Variants in ALDH16A1 observed in about 807,000 individuals in gnomAD.
ALDH16A1 encodes aldehyde dehydrogenase family 16 member A1.
Under a neutral mutation model 96.1 loss-of-function variants are expected in ALDH16A1, and 88 were observed. That is an observed-to-expected ratio of 0.92 (90% CI 0.77 to 1.09). The LOEUF (loss-of-function observed/expected upper bound fraction) is 1.09. Among genes scored for constraint, ALDH16A1 ranks in the 50% least tolerant of loss-of-function variants. The pLI, the probability that ALDH16A1 is intolerant of heterozygous loss-of-function variation, is 0.00. For synonymous variants in ALDH16A1, 522 were observed against 496.4 expected (o/e 1.05, Z -0.69); for missense variants, 1,250 against 1,112.6 (o/e 1.12, Z -1.76).
At chr19:49,465,951 A>T (rs1298725312) in intron 13 of ALDH16A1, 46 bp downstream of exon 13, 2 of 1,588,686 alleles carry the variant, frequency 1.3e-6, no homozygotes, top group Admixed American at 3.5e-5. Context: ...TGTGGCAGAG[A>T]GGGGAGCCTG....
intron 4 of ALDH16A1, 50 bp from the exon 5 acceptor site, chr19:49,460,772 C>T (rs1168241983): frequency 6.8e-7 from 1 of 1,471,602 alleles, no homozygotes; most frequent in Non-Finnish European, 9.4e-7. Context: ...CCAGGCTGGA[C>T]TTAAACACCT....
In ALDH16A1 at chr19:49,463,930, C is replaced by G; in HGVS notation, c.1175C>G (p.Ser392Cys). The G allele has an allele frequency of 6.2e-7, 1 of 1,611,100 alleles. No homozygotes were observed. Among genetic ancestry groups the G allele is most frequent in the Non-Finnish European group, 8.5e-7 (1 of 1,178,420 alleles). ...TTGGTCTCCAACCTGCCCCCAGCCT[C>G]CCCATGTGCCCAGGTGGAGGTGAGA... ...PTLVSNLPPA[S>C]PCAQVEVPWP... is the part of the protein sequence containing the mutation. The change falls in exon 9 of 17, where the codon TCC becomes TGC. Residue 392 changes from serine (S) to cysteine (C), a missense_variant. Ser to Cys is a moderately radical substitution (Grantham distance 112). Coordinates refer to ENST00000293350, the MANE Select transcript of ALDH16A1 (RefSeq NM_153329.4).
intron 14 of ALDH16A1, among the ~76,000 whole-genome samples, chr19:49,467,384 ATTTC>A (rs2079207363): frequency 2.1e-5 from 3 of 142,394 alleles, no homozygotes; most frequent in South Asian, 4.5e-4. Flanking sequence ...GCCAAACCAT[ATTTC>A]TTTCTTTCTT....
In ALDH16A1 at chr19:49,468,778, C is replaced by T. The variant is rs2079221007; in HGVS notation, c.2125-86C>T. 1 of 1,502,806 alleles carries T rather than the reference C, an allele frequency of 6.7e-7. No homozygotes were observed. The highest frequency in any genetic ancestry group is 1.4e-5 in the African/African-American group (1 of 72,738). The allele number at this position is 1,502,806 out of a possible 1,614,324, so 93.1% of individuals were successfully genotyped here. Reference sequence around the variant, plus strand: ...TTTCTCCTCCATGACCCCCCATCCCCTTCCCTCCCATGGGCACCCCCTGAA... The same window carrying T: ...TTTCTCCTCCATGACCCCCCATCCCTTTCCCTCCCATGGGCACCCCCTGAA... On this transcript the variant is annotated intron_variant, in intron 15 of 16. Coordinates refer to ENST00000293350, the MANE Select transcript of ALDH16A1 (RefSeq NM_153329.4). This position sits in a 1 kb window ranked among gnomAD's most constrained non-coding sequence, Gnocchi z 4.4.
intron 14 of ALDH16A1, among the ~76,000 whole-genome samples, chr19:49,467,607 G>A (rs1167005842): frequency 2.7e-5 from 4 of 147,738 alleles, no homozygotes; most frequent in Non-Finnish European, 6.0e-5. Context: ...ACCATGTTAG[G>A]ATGGTCTCGA....
In ALDH16A1 at chr19:49,464,808, G is replaced by A. The variant is rs111440909; in HGVS notation, c.1568+46G>A. 10 of 1,609,892 alleles carry A rather than the reference G, an allele frequency of 6.2e-6. No individual in the cohort carries two copies. In the African/African-American group the frequency reaches 6.7e-5, roughly 11 times the overall value. The stretch of plus-strand genomic sequence containing the variant: ...GGTCTGGGAGTGTGAACGGGGAGAG[G>A]GGAATTGATGCCTGTTTCCCCGTGG... On this transcript the variant is annotated intron_variant, in intron 12 of 16. Coordinates refer to ENST00000293350, the MANE Select transcript of ALDH16A1 (RefSeq NM_153329.4).
intron 4 of ALDH16A1, among the ~76,000 whole-genome samples, 156 bp downstream of exon 4, chr19:49,460,004 G>A (rs1406313628): frequency 1.3e-5 from 2 of 152,030 alleles, no homozygotes; most frequent in African/African-American, 2.4e-5. Context: ...TCCGCCTCCC[G>A]GGTTCAAGTG....
At chr19:49,457,868 G>A (rs2079114285) in intron 1 of ALDH16A1, among the ~76,000 whole-genome samples, 1 of 152,020 alleles carries the variant, frequency 6.6e-6, no homozygotes, top group South Asian at 2.1e-4. Context: ...CTCCCAAAGT[G>A]GACTCCAAAT....
rs767851623 is a variant in ALDH16A1, at chr19:49,462,702, G to A, written c.1045G>A (p.Ala349Thr). The change falls in exon 8 of 17, where the codon GCA becomes ACA. Residue 349 changes from alanine (A) to threonine (T), a missense_variant. Physicochemically the swap from Ala to Thr is moderately conservative, Grantham distance 58. Transcript: ENST00000293350. ...AVDMGARGAAACDLVQRFVRE... is the reference protein window; with the variant it reads ...AVDMGARGAATCDLVQRFVRE... ...GGACATGGGGGCCCGGGGGGCTGCC[G>A]CATGTGACCTGGTCCAGCGCTTTGT... 2.7e-5 allele frequency: 43 copies of A among 1,606,476 alleles called. No individual in the cohort carries two copies. Among genetic ancestry groups the A allele is most frequent in the East Asian group, 8.9e-5 (4 of 44,714 alleles).
intron 1 of ALDH16A1, 40 bp downstream of exon 1, chr19:49,453,461 C>T (rs1428984166): frequency 8.1e-6 from 12 of 1,481,556 alleles, no homozygotes; most frequent in Non-Finnish European, 1.1e-5. Context: ...CTGCGTTCCC[C>T]AGGCCTGGGC....
rs548418533 is a variant in ALDH16A1, at chr19:49,459,219, T to C, written c.320+133T>C. 12 of 1,402,278 alleles carry C rather than the reference T, an allele frequency of 8.6e-6. No individual in the cohort carries two copies. The African/African-American group carries it at 1.3e-4, about 15-fold the overall frequency. 86.9% of individuals were successfully genotyped at this position (1,402,278 alleles called of 1,614,324 possible). Reference sequence around the variant, plus strand: ...TAAGGCTCAGATTCCCAGTATGTGCTGGAGGCAGTCGTGGCTGAAACATGC... The same window carrying C: ...TAAGGCTCAGATTCCCAGTATGTGCCGGAGGCAGTCGTGGCTGAAACATGC... On this transcript the variant is annotated intron_variant, in intron 3 of 16. Coordinates refer to ENST00000293350, the MANE Select transcript of ALDH16A1 (RefSeq NM_153329.4). The surrounding 1 kb of genome is among the most constrained non-coding windows in gnomAD (Gnocchi z 4.1).
chr19:49,461,800 G>A lies in ALDH16A1; in HGVS notation c.759G>A (p.Glu253=), dbSNP rs1396952960. 5 of 1,610,304 alleles carry A rather than the reference G, an allele frequency of 3.1e-6. No homozygotes were observed. Among genetic ancestry groups the A allele is most frequent in the African/African-American group, 2.7e-5 (2 of 74,796 alleles). Residue 253 remains glutamate, a splice_region_variant and synonymous_variant, in exon 6 of 17, where the codon GAG becomes GAA. Coordinates refer to ENST00000293350, the MANE Select transcript of ALDH16A1 (RefSeq NM_153329.4). The part of the protein sequence containing the change: ...IRKVAFCGAP[E]EGRALRRSLA... ...AGGTGGCCTTCTGCGGAGCCCCGGA[G>A]GTACCTTCGGGACAGGGGTCGTGGC... is the stretch of plus-strand genomic sequence containing the variant.
At chr19:49,462,524 G>A in intron 7 of ALDH16A1, 46 bp from the exon 8 acceptor site, 3 of 1,582,594 alleles carry the variant, frequency 1.9e-6, no homozygotes, top group Non-Finnish European at 2.6e-6. Flanking sequence ...TCACCAACTT[G>A]CTAGAGTGCA....
At chr19:49,464,078 C>T (rs923969423) in intron 9 of ALDH16A1, 49 bp from the exon 10 acceptor site, 39 of 1,591,654 alleles carry the variant, frequency 2.5e-5, no homozygotes, top group Non-Finnish European at 3.2e-5. Context: ...AGGCTCCTTC[C>T]CTGGTGGGTG....
chr19:49,462,790 G>T (rs750870312), intron 8 of ALDH16A1, 35 bp downstream of exon 8: 3 of 1,510,986 alleles, frequency 2.0e-6, no homozygotes, highest in Admixed American at 2.3e-5. Context: ...GGGTGTCAGG[G>T]GAGGAGGGGC....
intron 5 of ALDH16A1, 115 bp downstream of exon 5, chr19:49,461,014 G>A: frequency 8.8e-7 from 1 of 1,134,152 alleles, no homozygotes; most frequent in Non-Finnish European, 1.3e-6. Context: ...TCTGTGGAAG[G>A]AGTCTGTGGG....
chr19:49,470,602 C>T lies in ALDH16A1; in HGVS notation c.*135C>T, dbSNP rs1014071488. 10 of 975,742 alleles carry T rather than the reference C, an allele frequency of 1.0e-5. No individual in the cohort carries two copies. The highest frequency in any genetic ancestry group is 6.1e-5 in the South Asian group (2 of 32,770). The allele number at this position is 975,742 out of a possible 1,614,324, so 60.4% of individuals were successfully genotyped here. On this transcript the variant is annotated 3_prime_UTR_variant, in exon 17 of 17. Coordinates refer to ENST00000293350, the MANE Select transcript of ALDH16A1 (RefSeq NM_153329.4). ...CTGACCAACCCTAGCTGTGCTTCTG[C>T]GAGAAGAAAGGGTGTAGCAACTTCT...
intron 1 of ALDH16A1, among the ~76,000 whole-genome samples, chr19:49,454,031 G>GTTTTTTTTTTT (rs3033555): frequency 2.2e-5 from 3 of 135,184 alleles, no homozygotes; most frequent in African/African-American, 2.8e-5. Flanking sequence ...TTTTTTTTTT[G>GTTTTTTTTTTT]TTTTTTTTTT....
In ALDH16A1 at chr19:49,459,909, C is replaced by T; in HGVS notation, c.499+61C>T. 1 of 1,522,594 alleles carries T rather than the reference C, an allele frequency of 6.6e-7. No homozygotes were observed. Among genetic ancestry groups the T allele is most frequent in the Non-Finnish European group, 8.8e-7 (1 of 1,134,922 alleles). The allele number at this position is 1,522,594 out of a possible 1,614,324, so 94.3% of individuals were successfully genotyped here. On this transcript the variant is annotated intron_variant, in intron 4 of 16. Transcript: ENST00000293350. This position sits in a 1 kb window ranked among gnomAD's most constrained non-coding sequence, Gnocchi z 4.1. ...ATGACTCAGCAGTGCTAGCTCCAGT[C>T]CCCTCATTCTTTTTCTTTTAGACAG...
Sources: gnomAD v4.1 joint callset for allele counts (sites outside exome capture counted in the v4.1 genomes callset) on GRCh38, gnomAD v4.1.1 for gene constraint, Gnocchi (gnomAD v3.1) non-coding constraint, MANE v1.5 for transcripts, NCBI Gene and HGNC (gene_info 2026-07-23, HGNC 2026-07-21) for gene names.